SGPP2: variants seen among roughly 807,000 people sequenced by gnomAD.
SGPP2 encodes sphingosine-1-phosphate phosphatase 2.
A neutral mutation model predicts 33.9 loss-of-function variants in SGPP2; 30 were observed. That is an observed-to-expected ratio of 0.89 (90% CI 0.66 to 1.20). The LOEUF is 1.20. Among genes scored for constraint, SGPP2 ranks in the 50% most tolerant of loss-of-function variants. The probability of loss-of-function intolerance (pLI) is 0.00; values close to 1 mark genes in which losing one functional copy is unlikely to be tolerated. For synonymous variants in SGPP2, 233 were observed against 225.0 expected (o/e 1.04, Z -0.32); for missense variants, 458 against 532.1 (o/e 0.86, Z 1.37).
chr2:222,551,378 T>G (rs368681023), intron 4 of SGPP2, among the ~76,000 whole-genome samples: 60 of 152,202 alleles, frequency 3.9e-4, no homozygotes, highest in East Asian at 7.7e-4. Flanking sequence ...AAAATAAAAA[T>G]AAAAAGAACA....
intron 4 of SGPP2, among the ~76,000 whole-genome samples, chr2:222,532,936 T>G (rs1698860259): frequency 6.6e-6 from 1 of 152,162 alleles, no homozygotes; most frequent in Admixed American, 6.5e-5. Flanking sequence ...CCACCGTACC[T>G]CTGGGCTCAC....
At chr2:222,481,006 A>G (rs1698020924) in intron 2 of SGPP2, among the ~76,000 whole-genome samples, 1 of 152,150 alleles carries the variant, frequency 6.6e-6, no homozygotes, top group African/African-American at 2.4e-5. Context: ...AAAACCAAAC[A>G]CTGCATGTTC....
chr2:222,498,457 GA>G (rs1284529211), intron 2 of SGPP2: 1 of 151,824 alleles, frequency 6.6e-6, no homozygotes, highest in Non-Finnish European at 1.5e-5. Flanking sequence ...CCGGCCCAAA[GA>G]AAACATTAAT....
intron 2 of SGPP2, among the ~76,000 whole-genome samples, chr2:222,486,483 A>G (rs1698110539): frequency 6.6e-6 from 1 of 152,168 alleles, no homozygotes; most frequent in Admixed American, 6.5e-5. Context: ...GAATTTGTAA[A>G]CATGAGCCAC....
At chr2:222,532,451 C>T (rs1173558078) in intron 4 of SGPP2, among the ~76,000 whole-genome samples, 1 of 152,180 alleles carries the variant, frequency 6.6e-6, no homozygotes, top group African/African-American at 2.4e-5. Flanking sequence ...TGACGGGCTC[C>T]AGCTAGTCTC....
chr2:222,500,874 A>G (rs1274593389), intron 2 of SGPP2, among the ~76,000 whole-genome samples: 2 of 152,348 alleles, frequency 1.3e-5, no homozygotes, highest in South Asian at 2.1e-4. Context: ...TCACCATGAA[A>G]TGGTGCTTCC....
chr2:222,461,015 C>G (rs1697651013), intron 1 of SGPP2, among the ~76,000 whole-genome samples: 1 of 152,180 alleles, frequency 6.6e-6, no homozygotes, highest in African/African-American at 2.4e-5. Context: ...TCCTGCCTTC[C>G]AAAGTGCTGG....
chr2:222,535,212 T>A (rs971724384), intron 4 of SGPP2, among the ~76,000 whole-genome samples: 8 of 152,020 alleles, frequency 5.3e-5, no homozygotes, highest in African/African-American at 1.9e-4. Context: ...ACCCCATCTC[T>A]ACTAAAAATA....
chr2:222,487,198 T>C (rs1698124628), intron 2 of SGPP2, among the ~76,000 whole-genome samples: 1 of 152,204 alleles, frequency 6.6e-6, no homozygotes, highest in Admixed American at 6.5e-5. Context: ...CTCTTAAGAA[T>C]TAGGTGACCT....
intron 4 of SGPP2, among the ~76,000 whole-genome samples, chr2:222,540,518 T>C (rs1300131110): frequency 6.6e-6 from 1 of 152,188 alleles, no homozygotes; most frequent in East Asian, 1.9e-4. Flanking sequence ...AGGTTGTGAG[T>C]CCTTTGAAGG....
intron 4 of SGPP2, among the ~76,000 whole-genome samples, chr2:222,535,377 CA>C (rs59455252): frequency 0.22 from 23,017 of 106,622 alleles, 2,198 homozygotes; most frequent in East Asian, 0.59. Flanking sequence ...GACTCTGTCT[CA>C]AAAAAAAAAA....
intron 1 of SGPP2, among the ~76,000 whole-genome samples, chr2:222,466,153 A>G (rs1448053271): frequency 6.6e-6 from 1 of 151,724 alleles, no homozygotes; most frequent in African/African-American, 2.4e-5. Context: ...TTTTAAAAAT[A>G]GTCTTGTTTA....
chr2:222,535,235 A>G (rs1698895683), intron 4 of SGPP2, among the ~76,000 whole-genome samples: 1 of 152,092 alleles, frequency 6.6e-6, no homozygotes. Flanking sequence ...AAAATTAGCC[A>G]GGCATGATGG....
At chr2:222,552,437 T>C (rs1689308870) in intron 4 of SGPP2, among the ~76,000 whole-genome samples, 1 of 152,282 alleles carries the variant, frequency 6.6e-6, no homozygotes, top group East Asian at 1.9e-4. Flanking sequence ...ATTATGGTTT[T>C]GAATGACACA....
At chr2:222,540,195 C>G (rs1293955885) in intron 4 of SGPP2, among the ~76,000 whole-genome samples, 1 of 152,098 alleles carries the variant, frequency 6.6e-6, no homozygotes, top group East Asian at 1.9e-4. Flanking sequence ...ACTGACATAT[C>G]TTGTGGATGG....
chr2:222,442,109 C>A (rs1697333590), intron 1 of SGPP2, among the ~76,000 whole-genome samples: 2 of 152,296 alleles, frequency 1.3e-5, no homozygotes, highest in South Asian at 4.1e-4. Context: ...TTAAAAATAT[C>A]CTTCCTTGGG....
At chr2:222,474,853 T>G in intron 2 of SGPP2, 127 bp downstream of exon 2, 1 of 823,266 alleles carries the variant, frequency 1.2e-6, no homozygotes, top group Non-Finnish European at 1.8e-6. Context: ...TTGAATTTGT[T>G]GCCTAATTTC....
chr2:222,491,140 TA>T (rs1698191014), intron 2 of SGPP2, among the ~76,000 whole-genome samples: 2 of 119,328 alleles, frequency 1.7e-5, no homozygotes, highest in African/African-American at 5.2e-5. Context: ...CTTCCAAATA[TA>T]TATTTTTTTT....
intron 1 of SGPP2, among the ~76,000 whole-genome samples, chr2:222,462,338 T>C (rs989445859): frequency 6.6e-6 from 1 of 152,060 alleles, no homozygotes; most frequent in Admixed American, 6.5e-5. Flanking sequence ...GTGACAAGAC[T>C]CATGTTAGAG....
Sources: allele counts gnomAD v4.1 joint callset (sites outside exome capture counted in the v4.1 genomes callset), GRCh38; gene constraint gnomAD v4.1.1; transcripts MANE v1.5; gene names NCBI Gene and HGNC (gene_info 2026-07-23, HGNC 2026-07-21).